The following ETNK1 variants were observed in gnomAD, a reference collection of about 807,000 sequenced individuals.
The protein encoded by ETNK1 is putative protein product of Nbla10396.
ETNK1 carries 8 observed loss-of-function variants against 45.1 expected under a neutral mutation model. The observed-to-expected ratio is 0.18, with a 90% confidence interval of 0.10 to 0.32. The LOEUF (loss-of-function observed/expected upper bound fraction) is 0.32, where lower values mean the gene tolerates loss of function less well. Among genes scored for constraint, ETNK1 ranks in the 10% least tolerant of loss-of-function variants. The probability of loss-of-function intolerance (pLI) is 1.00; values close to 1 mark genes in which losing one functional copy is unlikely to be tolerated. For missense variants in ETNK1, 302 were observed against 430.6 expected (o/e 0.70, Z 2.64); for synonymous variants, 152 against 151.9 (o/e 1.00, Z -0.01).
chr12:22,655,092 T>A (rs1435200213), intron 2 of ETNK1, among the ~76,000 whole-genome samples: 1 of 152,020 alleles, frequency 6.6e-6, no homozygotes, highest in Admixed American at 6.5e-5. Context: ...TCAGCCTCTC[T>A]AGTAGCTGGG....
chr12:22,656,360 C>G, intron 2 of ETNK1: 1 of 973,172 alleles, frequency 1.0e-6, no homozygotes, highest in Non-Finnish European at 1.2e-6. Flanking sequence ...TTATAGTTGT[C>G]TGACTTTATC....
rs1471410460 is a variant in ETNK1 at position 22,656,696 on chromosome 12, A to G, written c.417-2318A>G. ...CGTGTGTCCCCTTTGCAAAGGGGAA[A>G]ATTACGTTTTGTAAGAGACCCCAAA... On this transcript the variant is annotated intron_variant, in intron 2 of 7. Transcript: ENST00000266517. 5 of 985,158 alleles carry G rather than the reference A, an allele frequency of 5.1e-6. No homozygotes were observed. The South Asian group carries it at 1.4e-4, about 28-fold the overall frequency. 61.0% of individuals were successfully genotyped at this position (985,158 alleles called of 1,614,324 possible).
At chr12:22,671,645 T>C (rs987783317) in intron 5 of ETNK1, among the ~76,000 whole-genome samples, 23 of 152,012 alleles carry the variant, frequency 1.5e-4, no homozygotes, top group African/African-American at 4.8e-4. Flanking sequence ...GAGACCATCC[T>C]GGCTAACACG....
rs77725200 is a variant in ETNK1, at chr12:22,669,053, T to C, written c.701-2219T>C. Among the ~76,000 whole-genome samples, 126 of 152,316 alleles carry C rather than the reference T, an allele frequency of 8.3e-4. 1 individual carries two copies. In the East Asian group the frequency reaches 0.021, roughly 25 times the overall value. ...ATTTTTATTGGCATGTAACAGTTAA[T>C]ATGAGCTCTACAAGAATTTGTTTTT... is the stretch of plus-strand genomic sequence containing the variant. On this transcript the variant is annotated intron_variant, in intron 4 of 7. Transcript: ENST00000266517.
At chr12:22,656,805 ATC>A in intron 2 of ETNK1, 2 of 980,466 alleles carry the variant, frequency 2.0e-6, no homozygotes, top group Non-Finnish European at 2.4e-6. Flanking sequence ...AGCAAATAAA[ATC>A]TGTTAGAGTT....
intron 2 of ETNK1, among the ~76,000 whole-genome samples, chr12:22,649,185 A>G (rs900373431): frequency 2.0e-5 from 3 of 151,980 alleles, no homozygotes; most frequent in Admixed American, 2.0e-4. Flanking sequence ...TTCTCTTGAC[A>G]GTGTCTTTTG....
intron 4 of ETNK1, 66 bp from the exon 5 acceptor site, chr12:22,671,206 A>C: frequency 9.0e-7 from 1 of 1,115,414 alleles, no homozygotes; most frequent in South Asian, 1.3e-5. Flanking sequence ...TTAATTACAA[A>C]TAGCATAGGG....
chr12:22,669,478 A>T (rs150706501), intron 4 of ETNK1, among the ~76,000 whole-genome samples: 1 of 151,944 alleles, frequency 6.6e-6, no homozygotes, highest in East Asian at 1.9e-4. Flanking sequence ...TTTACTACTT[A>T]GTATCTCCTT....
chr12:22,673,923 G>T (rs1001351297), intron 6 of ETNK1, among the ~76,000 whole-genome samples: 3 of 152,134 alleles, frequency 2.0e-5, no homozygotes, highest in Non-Finnish European at 4.4e-5. Context: ...TTTGTTTAAT[G>T]AGTAGATTCT....
rs777498133 is a variant in ETNK1, at chr12:22,671,324, T to C, written c.753T>C (p.Tyr251=). 3 of 1,609,744 alleles carry C rather than the reference T, an allele frequency of 1.9e-6. No individual in the cohort carries two copies. Among genetic ancestry groups the C allele is most frequent in the Non-Finnish European group, 2.6e-6 (3 of 1,176,472 alleles). The stretch of plus-strand genomic sequence containing the variant: ...ATTCTGGATACAACTACCTGGCATA[T>C]GATATTGGAAATCATTTCAATGAAT... ...YEYSGYNYLA[Y]DIGNHFNEFA... is the part of the protein sequence containing the mutation. Residue 251 remains tyrosine, a synonymous_variant, in exon 5 of 8, where the codon TAT becomes TAC. Transcript: ENST00000266517.
intron 1 of ETNK1, among the ~76,000 whole-genome samples, chr12:22,640,413 T>A (rs928634303): frequency 2.0e-5 from 3 of 151,300 alleles, no homozygotes; most frequent in African/African-American, 7.3e-5. Flanking sequence ...TTTTTTTTTT[T>A]AAGATGTGAA....
intron 4 of ETNK1, among the ~76,000 whole-genome samples, chr12:22,668,237 A>C (rs1954073617): frequency 6.6e-6 from 1 of 152,222 alleles, no homozygotes; most frequent in South Asian, 2.1e-4. Context: ...TCATGTCTTA[A>C]AGAACTGAGA....
At chr12:22,649,054 A>G (rs904510912) in intron 2 of ETNK1, among the ~76,000 whole-genome samples, 3 of 152,046 alleles carry the variant, frequency 2.0e-5, no homozygotes, top group Non-Finnish European at 4.4e-5. Flanking sequence ...CCATTTTTAA[A>G]TTGGGTTGTT....
chr12:22,672,303 T>G (rs887459676), intron 5 of ETNK1, among the ~76,000 whole-genome samples: 1 of 152,086 alleles, frequency 6.6e-6, no homozygotes, highest in Non-Finnish European at 1.5e-5. Flanking sequence ...AACTAAAGAT[T>G]AGAACATACC....
At chr12:22,656,308 CA>C in intron 2 of ETNK1, 2 of 598,032 alleles carry the variant, frequency 3.3e-6, no homozygotes, top group Non-Finnish European at 4.2e-6. Context: ...TCATGAACTT[CA>C]AAATACTTTA....
chr12:22,644,266 GGCTGCAGAGGGTCAAGGCTTCT>G, intron 2 of ETNK1: 1 of 1,608,428 alleles, frequency 6.2e-7, no homozygotes, highest in Non-Finnish European at 8.5e-7. Flanking sequence ...TGGATTAACC[GGCTGCAGAGGGTCAAGGCTTCT>G]GCTTAGTTTT....
chr12:22,653,931 AT>A (rs980597265), intron 2 of ETNK1, among the ~76,000 whole-genome samples: 2 of 152,134 alleles, frequency 1.3e-5, no homozygotes, highest in Non-Finnish European at 2.9e-5. Flanking sequence ...CCATGAGAAG[AT>A]TTGTGTTGTA....
chr12:22,670,983 TTA>T, intron 4 of ETNK1: 1 of 290,966 alleles, frequency 3.4e-6, no homozygotes, highest in Non-Finnish European at 6.3e-6. Context: ...GGCAAAGGAT[TTA>T]TTTTGCTTTT....
chr12:22,625,945 A>G lies in ETNK1; in HGVS notation c.156+359A>G, dbSNP rs1441595993. 1.5e-5 allele frequency: 8 copies of G among 524,362 alleles called. No individual in the cohort carries two copies. The Admixed American group carries it at 1.6e-4, about 10-fold the overall frequency. 32.5% of individuals were successfully genotyped at this position (524,362 alleles called of 1,614,324 possible). A position where few individuals can be genotyped will look rare whatever the true frequency, so the allele number is the denominator to read the frequency against. ...CTCCCCTTGCACGGGGTCCTCGTCTACCTCCTCCCCTCCCACCAGTAATGC... is the reference window on the plus strand; with the variant it reads ...CTCCCCTTGCACGGGGTCCTCGTCTGCCTCCTCCCCTCCCACCAGTAATGC... On this transcript the variant is annotated intron_variant, in intron 1 of 7. Coordinates refer to ENST00000266517, the MANE Select transcript of ETNK1 (RefSeq NM_018638.5).
Sources: allele counts gnomAD v4.1 joint callset (sites outside exome capture counted in the v4.1 genomes callset), GRCh38; gene constraint gnomAD v4.1.1; transcripts MANE v1.5; gene names NCBI Gene and HGNC (gene_info 2026-07-23, HGNC 2026-07-21).